GALNT14: variants seen among roughly 807,000 people sequenced by gnomAD.
GALNT14 encodes the protein UDP-GalNAc:polypeptide N-acetylgalactosaminyltransferase 14.
In GALNT14, 60 loss-of-function variants were observed where a neutral mutation model predicts 77.5. The observed-to-expected ratio is 0.77, with a 90% CI of 0.63 to 0.96. The LOEUF (loss-of-function observed/expected upper bound fraction) is 0.96. Ranked by LOEUF, GALNT14 falls within the 40% of genes least tolerant of loss-of-function variation. The probability of loss-of-function intolerance (pLI) is 0.00; values close to 1 mark genes in which losing one functional copy is unlikely to be tolerated. For missense variants in GALNT14, 710 were observed against 731.0 expected, an observed-to-expected ratio of 0.97 and a Z score of 0.33; for synonymous variants, 280 against 281.7, an observed-to-expected ratio of 0.99 and a Z score of 0.06.
intron 1 of GALNT14, among the ~76,000 whole-genome samples, chr2:30,995,466 T>G (rs1468169043): frequency 2.0e-5 from 3 of 152,206 alleles, no homozygotes; most frequent in Admixed American, 2.0e-4. Flanking sequence ...GTATATCCTA[T>G]GACATTCACA....
At chr2:30,917,487 C>T (rs548112960) in intron 13 of GALNT14, among the ~76,000 whole-genome samples, 50 of 152,344 alleles carry the variant, frequency 3.3e-4, no homozygotes, top group African/African-American at 1.2e-3. Context: ...CACATACCAC[C>T]TGGGCAGTCT....
chr2:30,890,163 G>C, the GALNT14 span, among the ~76,000 whole-genome samples: 1 of 152,168 alleles, frequency 6.6e-6, no homozygotes, highest in African/African-American at 2.4e-5. Flanking sequence ...GAGCCCGGTG[G>C]TCTACATGCT....
chr2:30,995,130 T>TTGTGTGTG (rs3058232), intron 1 of GALNT14, among the ~76,000 whole-genome samples: 232 of 144,132 alleles, frequency 1.6e-3, no homozygotes, highest in African/African-American at 3.9e-3. Context: ...AGAACCAATG[T>TTGTGTGTG]TGTGTGTGTG....
chr2:31,035,256 G>A (rs1308537307), intron 1 of GALNT14, among the ~76,000 whole-genome samples: 1 of 151,778 alleles, frequency 6.6e-6, no homozygotes, highest in East Asian at 1.9e-4. Flanking sequence ...TTCAATTTTT[G>A]CTTCAGTATT....
Position 31,064,281 on chromosome 2 carries a change from G to A in GALNT14, c.130-71274C>T, listed in dbSNP as rs551928633. 7.2e-5 allele frequency among the ~76,000 whole-genome samples: 11 copies of A among 152,348 alleles called. No homozygotes were observed. In the South Asian group the frequency reaches 2.3e-3, roughly 32 times the overall value. On this transcript the variant is annotated intron_variant, in intron 1 of 14. Coordinates refer to ENST00000349752, the MANE Select transcript of GALNT14 (RefSeq NM_024572.4). ...TGTCTCTGCCCACGCAGCTGTCACT[G>A]GCTCCCAGGAAAGTCCAGTCACAGA... is the stretch of plus-strand genomic sequence containing the variant.
intron 2 of GALNT14, among the ~76,000 whole-genome samples, chr2:30,976,617 GTGTA>G (rs112015843): frequency 0.032 from 4,581 of 144,714 alleles, 170 homozygotes; most frequent in East Asian, 0.21. Flanking sequence ...GTGTGCGTGT[GTGTA>G]TGTGTGTGTG....
chr2:31,018,293 T>A (rs1361214216), intron 1 of GALNT14, among the ~76,000 whole-genome samples: 1 of 152,230 alleles, frequency 6.6e-6, no homozygotes, highest in Non-Finnish European at 1.5e-5. Context: ...TATTAGTTTG[T>A]TTTCACACTG....
At chr2:31,025,659 C>T (rs1672001970) in intron 1 of GALNT14, among the ~76,000 whole-genome samples, 1 of 152,156 alleles carries the variant, frequency 6.6e-6, no homozygotes, top group Non-Finnish European at 1.5e-5. Flanking sequence ...GCATCTGTAA[C>T]ATGAAAGAAA....
At chr2:31,084,306 T>C (rs1314789269) in intron 1 of GALNT14, among the ~76,000 whole-genome samples, 2 of 152,208 alleles carry the variant, frequency 1.3e-5, no homozygotes, top group African/African-American at 4.8e-5. Context: ...GCGTGTTGGC[T>C]GAAGCTCAAA....
At chr2:30,924,659 T>C (rs892891892) in intron 12 of GALNT14, 81 bp downstream of exon 12, 19 of 1,204,916 alleles carry the variant, frequency 1.6e-5, no homozygotes, top group South Asian at 7.7e-5. Flanking sequence ...CAGTTGGTCA[T>C]TGTCTGTCTC....
intron 1 of GALNT14, among the ~76,000 whole-genome samples, chr2:31,137,518 C>T (rs1679276972): frequency 1.3e-5 from 2 of 152,110 alleles, no homozygotes; most frequent in Admixed American, 6.5e-5. Flanking sequence ...ACCCGGCCTC[C>T]GGCCTCCCCA....
chr2:31,038,294 A>G (rs964445712), intron 1 of GALNT14, among the ~76,000 whole-genome samples: 1 of 151,278 alleles, frequency 6.6e-6, no homozygotes, highest in Non-Finnish European at 1.5e-5. Context: ...GGGTTTCGCA[A>G]TGTTGGCCAG....
chr2:30,924,594 G>A (rs762865536), intron 12 of GALNT14, 146 bp downstream of exon 12: 1 of 650,102 alleles, frequency 1.5e-6, no homozygotes, highest in African/African-American at 1.8e-5. Context: ...GGTTTTAGGG[G>A]TGAACGGAGC....
intron 1 of GALNT14, among the ~76,000 whole-genome samples, chr2:31,124,347 T>C (rs1415543867): frequency 6.6e-6 from 1 of 152,062 alleles, no homozygotes; most frequent in Non-Finnish European, 1.5e-5. Context: ...TGAGTCAAAG[T>C]GGAAAGTGAG....
chr2:30,967,085 C>T (rs553624892), intron 2 of GALNT14, among the ~76,000 whole-genome samples: 3 of 152,086 alleles, frequency 2.0e-5, no homozygotes, highest in African/African-American at 4.8e-5. Context: ...TCAATTATTG[C>T]GGGGAGCTGG....
At chr2:30,937,312 C>A (rs934856092) in intron 9 of GALNT14, among the ~76,000 whole-genome samples, 5 of 152,228 alleles carry the variant, frequency 3.3e-5, no homozygotes, top group Non-Finnish European at 7.3e-5. Flanking sequence ...GATGTGGGGC[C>A]TACTACCATT....
In GALNT14 at chr2:31,138,068, G is replaced by T; in HGVS notation, c.19C>A (p.Arg7=). The change falls in exon 1 of 15, where the codon CGG becomes AGG. Residue 7 remains arginine (R), a synonymous_variant. Transcript: ENST00000349752. ...ACCCCGAAGACTGGCAGAACCAGCC[G>T]ACGAGTCAGGCGCCGCATGGTCCCC... The part of the protein sequence containing the change: MRRLTR[R]LVLPVFGVLW... The T allele has an allele frequency of 6.2e-7, 1 of 1,613,754 alleles. No homozygotes were observed. The highest frequency in any genetic ancestry group is 8.5e-7 in the Non-Finnish European group (1 of 1,179,786).
chr2:31,028,281 G>A (rs10166921), intron 1 of GALNT14, among the ~76,000 whole-genome samples: 71,284 of 151,888 alleles, frequency 0.47, 17,297 homozygotes, highest in African/African-American at 0.6. Context: ...CTCCTCTGAG[G>A]TGATGATGAG....
At chr2:31,105,019 A>G (rs986023166) in intron 1 of GALNT14, among the ~76,000 whole-genome samples, 1 of 152,192 alleles carries the variant, frequency 6.6e-6, no homozygotes, top group East Asian at 1.9e-4. Context: ...ATCTCTACCA[A>G]TTACCACAGT....
Sources: allele counts gnomAD v4.1 joint callset (sites outside exome capture counted in the v4.1 genomes callset), GRCh38; gene constraint gnomAD v4.1.1; transcripts MANE v1.5; gene names NCBI Gene and HGNC (gene_info 2026-07-23, HGNC 2026-07-21).